PRKG1: variants seen among roughly 807,000 people sequenced by gnomAD.
PRKG1 encodes the protein cGMP-dependent protein kinase 1.
Under a neutral mutation model 88.1 loss-of-function variants are expected in PRKG1, and 35 were observed. That is an observed-to-expected ratio of 0.40 (90% confidence interval 0.30 to 0.53). The LOEUF (loss-of-function observed/expected upper bound fraction) is 0.53. Ranked by LOEUF, PRKG1 falls within the 20% of genes least tolerant of loss-of-function variation. PRKG1 has a pLI of 0.59. For missense variants in PRKG1, 540 were observed against 839.8 expected (o/e 0.64, Z 4.41); for synonymous variants, 303 against 292.5 (o/e 1.04, Z -0.37).
At chr10:51,125,620 T>A (rs1264744542) in intron 1 of PRKG1, among the ~76,000 whole-genome samples, 2 of 148,780 alleles carry the variant, frequency 1.3e-5, no homozygotes, top group Non-Finnish European at 3.0e-5. Context: ...AGGCAGAGGT[T>A]ACAGTGAGCC....
At chr10:52,158,375 A>C (rs1162926246) in intron 8 of PRKG1, among the ~76,000 whole-genome samples, 1 of 151,684 alleles carries the variant, frequency 6.6e-6, no homozygotes, top group African/African-American at 2.4e-5. Context: ...AAAGCATCTG[A>C]TACCTATAGT....
Position 52,147,528 on chromosome 10 carries a change from G to A in PRKG1, c.1001+13623G>A, listed in dbSNP as rs149404719. The stretch of plus-strand genomic sequence containing the variant: ...CTGTATTGGAATTCCAGGCCTGTCT[G>A]CACTAAGACCATGCTCTGCCAATTA... On this transcript the variant is annotated intron_variant, in intron 8 of 17. Coordinates refer to ENST00000373980, the MANE Select transcript of PRKG1 (RefSeq NM_006258.4). Among the ~76,000 whole-genome samples, 5 of 152,292 alleles carry A rather than the reference G, an allele frequency of 3.3e-5. No homozygotes were observed. The East Asian group carries it at 9.7e-4, about 29-fold the overall frequency.
chr10:51,641,112 G>T (rs1182217607), intron 3 of PRKG1, among the ~76,000 whole-genome samples: 1 of 152,020 alleles, frequency 6.6e-6, no homozygotes, highest in Non-Finnish European at 1.5e-5. Flanking sequence ...CAAAATGAGT[G>T]AATTAAACAA....
chr10:52,166,836 T>C (rs1412411244), intron 9 of PRKG1, among the ~76,000 whole-genome samples: 2 of 822 alleles, frequency 2.4e-3, no homozygotes, highest in African/African-American at 3.2e-3. Context: ...TATGTATATA[T>C]ATGTATATAT....
At chr10:51,008,169 C>G (rs1368547051) in intron 1 of PRKG1, among the ~76,000 whole-genome samples, 1 of 152,186 alleles carries the variant, frequency 6.6e-6, no homozygotes, top group Non-Finnish European at 1.5e-5. Context: ...ATAAACATCT[C>G]TTGGGTTCCA....
rs1462983749 is a variant in PRKG1, at chr10:51,034,669, TATATATATA to T, written c.266+43026_266+43034del. ...GCAAAATTATATATAATATGTTATT[TATATATATA>T]TATATATATATATATATATATATAT... is the stretch of plus-strand genomic sequence containing the variant. On this transcript the variant is annotated intron_variant, in intron 1 of 17. Transcript: ENST00000401604. Among the ~76,000 whole-genome samples, 50 of 29,228 alleles carry T rather than the reference TATATATATA, an allele frequency of 1.7e-3. 3 individuals carry two copies. The highest frequency in any genetic ancestry group is 0.014 in the South Asian group (8 of 564). The allele number at this position is 29,228 out of a possible 152,430, so 19.2% of individuals were successfully genotyped here.
intron 3 of PRKG1, among the ~76,000 whole-genome samples, chr10:51,592,994 T>C (rs1425116480): frequency 6.6e-6 from 1 of 152,204 alleles, no homozygotes; most frequent in Non-Finnish European, 1.5e-5. Context: ...TAATTTTAAG[T>C]CATCACTATC....
intron 2 of PRKG1, among the ~76,000 whole-genome samples, chr10:51,309,470 A>G: frequency 6.6e-6 from 1 of 152,194 alleles, no homozygotes; most frequent in Non-Finnish European, 1.5e-5. Context: ...AGATATACAA[A>G]TGGTCAGCAA....
chr10:51,469,310 A>C (rs1220313949), intron 3 of PRKG1, among the ~76,000 whole-genome samples: 2 of 151,926 alleles, frequency 1.3e-5, no homozygotes, highest in Middle Eastern at 3.4e-3. Context: ...TTTGTTTTGA[A>C]GTATTTAAAA....
At chr10:52,285,738 C>T (rs1479015001) in intron 14 of PRKG1, among the ~76,000 whole-genome samples, 4 of 151,968 alleles carry the variant, frequency 2.6e-5, no homozygotes, top group Non-Finnish European at 5.9e-5. Flanking sequence ...AAAAAGTAAC[C>T]TCTAAGATAT....
chr10:51,437,632 T>G (rs1838972464), intron 2 of PRKG1, among the ~76,000 whole-genome samples: 1 of 151,932 alleles, frequency 6.6e-6, no homozygotes, highest in African/African-American at 2.4e-5. Flanking sequence ...ACAATTATCT[T>G]TCGGGAAGCC....
chr10:52,041,144 C>T, intron 5 of PRKG1, among the ~76,000 whole-genome samples: 1 of 152,116 alleles, frequency 6.6e-6, no homozygotes. Flanking sequence ...TACTGAGGTA[C>T]ATATCTTCTG....
At chr10:51,438,641 A>C (rs780647234) in intron 2 of PRKG1, among the ~76,000 whole-genome samples, 1 of 152,080 alleles carries the variant, frequency 6.6e-6, no homozygotes, top group African/African-American at 2.4e-5. Context: ...GTTACATACT[A>C]TCAATGATGA....
intron 3 of PRKG1, among the ~76,000 whole-genome samples, chr10:51,738,038 G>A (rs1363962126): frequency 6.6e-6 from 1 of 151,932 alleles, no homozygotes; most frequent in African/African-American, 2.4e-5. Flanking sequence ...AAAGTGCTGG[G>A]ATTACAGGCA....
intron 4 of PRKG1, among the ~76,000 whole-genome samples, chr10:51,806,313 T>TATCTCAAA (rs1437875924): frequency 1.3e-5 from 2 of 152,224 alleles, no homozygotes; most frequent in African/African-American, 4.8e-5. Context: ...GTGCCAATGC[T>TATCTCAAA]ATCTCAAATG....
intron 5 of PRKG1, among the ~76,000 whole-genome samples, chr10:51,919,300 C>T (rs1937683): frequency 0.71 from 107,898 of 151,914 alleles, 39,024 homozygotes; most frequent in African/African-American, 0.86. Flanking sequence ...AGGAACAAAC[C>T]GTGACCAACC....
intron 5 of PRKG1, among the ~76,000 whole-genome samples, chr10:51,949,438 C>A (rs77223524): frequency 0.11 from 16,929 of 151,106 alleles, 1,198 homozygotes; most frequent in East Asian, 0.35. Context: ...CACAGGGAGA[C>A]CTCATGTCTA....
intron 3 of PRKG1, among the ~76,000 whole-genome samples, chr10:51,635,429 A>G (rs1839633469): frequency 6.6e-6 from 1 of 152,144 alleles, no homozygotes; most frequent in African/African-American, 2.4e-5. Context: ...AAAATATTTT[A>G]CCAATCATGA....
chr10:52,274,280 A>C (rs1841811321), intron 12 of PRKG1, among the ~76,000 whole-genome samples: 6 of 139,294 alleles, frequency 4.3e-5, no homozygotes, highest in East Asian at 2.4e-4. Flanking sequence ...CCCCCCTCCG[A>C]CTCTTCCCCC....
Sources: gnomAD v4.1 joint callset for allele counts (sites outside exome capture counted in the v4.1 genomes callset) on GRCh38, gnomAD v4.1.1 for gene constraint, MANE v1.5 for transcripts, NCBI Gene and HGNC (gene_info 2026-07-23, HGNC 2026-07-21) for gene names.